The following FBXO34 variants were observed in gnomAD, a reference collection of about 807,000 sequenced individuals.
FBXO34 encodes the protein F-box protein 34.
FBXO34 carries 12 observed loss-of-function variants against 24.5 expected under a neutral mutation model. The ratio of observed to expected loss-of-function variants is 0.49; its 90% CI spans 0.31 to 0.79. FBXO34 has a LOEUF of 0.79. FBXO34 is among the 30% of genes least tolerant of loss of function. The pLI, the probability that FBXO34 is intolerant of heterozygous loss-of-function variation, is 0.04. For missense variants in FBXO34, 823 were observed against 857.7 expected (o/e 0.96, Z 0.51); for synonymous variants, 320 against 311.9 (o/e 1.03, Z -0.27).
the FBXO34 span, chr14:55,411,548 C>T: frequency 6.6e-7 from 1 of 1,523,560 alleles, no homozygotes; most frequent in Non-Finnish European, 8.9e-7. Flanking sequence ...CTTCGGCTGC[C>T]TGGCTGGAGG....
At chr14:55,426,862 G>A in the FBXO34 span, among the ~76,000 whole-genome samples, 4 of 152,338 alleles carry the variant, frequency 2.6e-5, no homozygotes, top group Middle Eastern at 3.4e-3. Context: ...GTAATAACAA[G>A]GGGCACCTAT....
downstream of FBXO34, among the ~76,000 whole-genome samples, chr14:55,363,891 T>C (rs1397852915): frequency 6.6e-6 from 1 of 151,956 alleles, no homozygotes; most frequent in African/African-American, 2.4e-5. Flanking sequence ...TTTACTCAAC[T>C]CGCTCTAGCC....
rs114045221 is a variant in FBXO34, at chr14:55,307,336, C to T, written c.-11+35799C>T. Among the ~76,000 whole-genome samples the T allele has an allele frequency of 5.7e-3, 861 of 152,322 alleles. 11 individuals are homozygous for T. The highest frequency in any genetic ancestry group is 0.019 in the African/African-American group (790 of 41,568). On this transcript the variant is annotated intron_variant, in intron 1 of 1. Transcript: ENST00000313833. The stretch of plus-strand genomic sequence containing the variant: ...AAATGTGTTTGCATATTTGTCACTG[C>T]AACTTTAAGCGGACCTCTTTGAATT...
the FBXO34 span, among the ~76,000 whole-genome samples, chr14:55,428,370 C>T: frequency 6.6e-6 from 1 of 151,994 alleles, no homozygotes; most frequent in Non-Finnish European, 1.5e-5. Context: ...ACCTCGTGAT[C>T]CGCCTGCCTC....
chr14:55,437,016 A>G, the FBXO34 span: 2 of 1,613,024 alleles, frequency 1.2e-6, no homozygotes, highest in African/African-American at 1.3e-5. Flanking sequence ...GGGCAAGGCC[A>G]TCCTAGGCAG....
At chr14:55,302,837 C>T (rs532446929) in intron 1 of FBXO34, among the ~76,000 whole-genome samples, 1 of 152,180 alleles carries the variant, frequency 6.6e-6, no homozygotes, top group African/African-American at 2.4e-5. Flanking sequence ...CTTTTAAAAA[C>T]TAATGTAAGT....
chr14:55,406,930 A>G, the FBXO34 span, among the ~76,000 whole-genome samples: 1 of 150,934 alleles, frequency 6.6e-6, no homozygotes. Flanking sequence ...TGAAAATCTA[A>G]TGCTCACATT....
chr14:55,347,890 T>G (rs1282002348), intron 1 of FBXO34, among the ~76,000 whole-genome samples: 1 of 152,218 alleles, frequency 6.6e-6, no homozygotes, highest in Non-Finnish European at 1.5e-5. Flanking sequence ...AATGAGATCA[T>G]TATGTGAGAA....
chr14:55,344,177 A>G (rs184167458), intron 1 of FBXO34, among the ~76,000 whole-genome samples: 104 of 152,110 alleles, frequency 6.8e-4, no homozygotes, highest in African/African-American at 2.4e-3. Context: ...TCACCCTCTC[A>G]CCTTCTAGTC....
At chr14:55,298,379 CT>C (rs112310781) in intron 1 of FBXO34, among the ~76,000 whole-genome samples, 57,563 of 149,064 alleles carry the variant, frequency 0.39, 11,330 homozygotes, top group Non-Finnish European at 0.43. Context: ...AGGATTATTT[CT>C]TTTTTTTTTT....
chr14:55,307,375 C>A (rs1233001712), intron 1 of FBXO34, among the ~76,000 whole-genome samples: 1 of 152,176 alleles, frequency 6.6e-6, no homozygotes, highest in Non-Finnish European at 1.5e-5. Context: ...TTCGTGGAGG[C>A]AAGCAAAACA....
Position 55,280,068 on chromosome 14 carries a change from A to G in FBXO34, c.-11+8531A>G, listed in dbSNP as rs73281276. Among the ~76,000 whole-genome samples the G allele has an allele frequency of 3.6e-3, 544 of 152,324 alleles. 2 individuals are homozygous for G. Among genetic ancestry groups the G allele is most frequent in the African/African-American group, 0.013 (529 of 41,570 alleles). The stretch of plus-strand genomic sequence containing the variant: ...AGTCCATTGGATTGTGGAAAGAAAA[A>G]TATTGAAACTTCTGTTTATTCTTCT... On this transcript the variant is annotated intron_variant, in intron 1 of 1. Transcript: ENST00000313833.
At chr14:55,275,537 G>A (rs560195791) in intron 1 of FBXO34, among the ~76,000 whole-genome samples, 10 of 152,032 alleles carry the variant, frequency 6.6e-5, no homozygotes, top group Admixed American at 6.6e-4. Flanking sequence ...ACTATTGGCC[G>A]GGTGCAGTGG....
intron 1 of FBXO34, among the ~76,000 whole-genome samples, chr14:55,333,797 A>G (rs1418480597): frequency 6.7e-6 from 1 of 150,280 alleles, no homozygotes; most frequent in African/African-American, 2.5e-5. Flanking sequence ...TCATGGGGAG[A>G]CTTTATAGTG....
At chr14:55,430,789 C>T in the FBXO34 span, among the ~76,000 whole-genome samples, 1 of 152,208 alleles carries the variant, frequency 6.6e-6, no homozygotes, top group African/African-American at 2.4e-5. Flanking sequence ...TTGAAATGTC[C>T]TTAGCAAGGC....
At chr14:55,406,868 A>T in the FBXO34 span, among the ~76,000 whole-genome samples, 41 of 151,992 alleles carry the variant, frequency 2.7e-4, no homozygotes, top group Non-Finnish European at 5.4e-4. Flanking sequence ...TATTTGCTTT[A>T]TATTTTTCTG....
chr14:55,429,602 A>G, the FBXO34 span, among the ~76,000 whole-genome samples: 3 of 152,060 alleles, frequency 2.0e-5, no homozygotes, highest in African/African-American at 7.2e-5. Flanking sequence ...TGTCTCTACT[A>G]AAAATACAAA....
At chr14:55,380,702 AAAC>A in the FBXO34 span, 2 of 1,555,712 alleles carry the variant, frequency 1.3e-6, no homozygotes, top group South Asian at 2.4e-5. Context: ...TGCAGTAAGA[AAAC>A]AACCACCATG....
chr14:55,335,239 A>G (rs1883734857), intron 1 of FBXO34: 1 of 152,206 alleles, frequency 6.6e-6, no homozygotes, highest in Non-Finnish European at 1.5e-5. Flanking sequence ...TTTTATGGAA[A>G]AGTGCCTCTT....
Sources: gnomAD v4.1 joint callset for allele counts (sites outside exome capture counted in the v4.1 genomes callset) on GRCh38, gnomAD v4.1.1 for gene constraint, MANE v1.5 for transcripts, NCBI Gene and HGNC (gene_info 2026-07-23, HGNC 2026-07-21) for gene names.